NALF1: variants seen among roughly 807,000 people sequenced by gnomAD.
NALF1 encodes family with sequence similarity 155 member A.
In NALF1, 3 loss-of-function variants were observed where a neutral mutation model predicts 48.4. The ratio of observed to expected loss-of-function variants is 0.06; its 90% CI spans 0.03 to 0.16. The LOEUF (loss-of-function observed/expected upper bound fraction) is 0.16, where lower values mean the gene tolerates loss of function less well. Ranked by LOEUF, NALF1 falls within the 10% of genes least tolerant of loss-of-function variation. The pLI is 1.00. For missense variants in NALF1, 526 were observed against 571.5 expected (o/e 0.92, Z 0.81); for synonymous variants, 262 against 245.7 (o/e 1.07, Z -0.62).
At chr13:107,623,769 A>G (rs760391923) in intron 1 of NALF1, among the ~76,000 whole-genome samples, 1 of 152,208 alleles carries the variant, frequency 6.6e-6, no homozygotes, top group Non-Finnish European at 1.5e-5. Flanking sequence ...AGCAAATGAA[A>G]TGGGCACAAA....
intron 1 of NALF1, among the ~76,000 whole-genome samples, chr13:107,618,807 A>G (rs9520516): frequency 0.25 from 37,412 of 152,110 alleles, 5,181 homozygotes; most frequent in East Asian, 0.49. Context: ...CAGGGAAAGT[A>G]TTGATGCTTA....
intron 1 of NALF1, among the ~76,000 whole-genome samples, chr13:107,794,304 G>T (rs572203951): frequency 1.8e-4 from 27 of 152,110 alleles, no homozygotes; most frequent in African/African-American, 5.5e-4. Flanking sequence ...TCTAAACCAG[G>T]GTTATTTTCC....
chr13:107,246,536 TGA>T (rs749378472), intron 1 of NALF1, among the ~76,000 whole-genome samples: 5 of 152,176 alleles, frequency 3.3e-5, no homozygotes, highest in Non-Finnish European at 7.4e-5. Flanking sequence ...CAGAGCAGGG[TGA>T]GAGGCCACAC....
chr13:107,687,438 A>G (rs1235698754), intron 1 of NALF1, among the ~76,000 whole-genome samples: 3 of 151,724 alleles, frequency 2.0e-5, no homozygotes, highest in African/African-American at 7.3e-5. Flanking sequence ...GCAAACCCGC[A>G]TATGTAACCC....
At chr13:107,338,258 G>C (rs949847472) in intron 1 of NALF1, among the ~76,000 whole-genome samples, 4 of 152,132 alleles carry the variant, frequency 2.6e-5, no homozygotes, top group African/African-American at 9.7e-5. Context: ...TCCCCATGGG[G>C]TAGAACCCCT....
At chr13:107,325,970 A>G (rs994719111) in intron 1 of NALF1, among the ~76,000 whole-genome samples, 2 of 148,028 alleles carry the variant, frequency 1.4e-5, no homozygotes, top group African/African-American at 5.0e-5. Flanking sequence ...ACACATATAT[A>G]CAACACACAT....
At chr13:107,528,971 C>T (rs1417396959) in intron 1 of NALF1, among the ~76,000 whole-genome samples, 2 of 152,130 alleles carry the variant, frequency 1.3e-5, no homozygotes, top group Admixed American at 6.6e-5. Flanking sequence ...GCCCATGAAA[C>T]GTGTTCCTCT....
chr13:107,839,132 A>C (rs528096832), intron 1 of NALF1, among the ~76,000 whole-genome samples: 8 of 152,012 alleles, frequency 5.3e-5, no homozygotes, highest in Non-Finnish European at 1.0e-4. Context: ...CTATGTAACA[A>C]GACTAGGGGT....
chr13:107,598,788 G>C (rs1297441709), intron 1 of NALF1, among the ~76,000 whole-genome samples: 2 of 151,938 alleles, frequency 1.3e-5, no homozygotes, highest in Non-Finnish European at 2.9e-5. Context: ...GTCTTAAAAG[G>C]CCACCTTACC....
At chr13:107,824,202 A>G (rs1413816304) in intron 1 of NALF1, among the ~76,000 whole-genome samples, 1 of 152,096 alleles carries the variant, frequency 6.6e-6, no homozygotes, top group East Asian at 1.9e-4. Flanking sequence ...AAATTGTCTG[A>G]TTGTTAATAT....
chr13:107,776,162 T>C (rs1176994153), intron 1 of NALF1, among the ~76,000 whole-genome samples: 1 of 152,182 alleles, frequency 6.6e-6, no homozygotes, highest in Non-Finnish European at 1.5e-5. Flanking sequence ...ATCATTACTA[T>C]CATTAGACAC....
At chr13:107,471,535 C>A (rs765929250) in intron 1 of NALF1, among the ~76,000 whole-genome samples, 1 of 151,926 alleles carries the variant, frequency 6.6e-6, no homozygotes, top group Non-Finnish European at 1.5e-5. Flanking sequence ...AGTGCCATGG[C>A]GTGGATATTA....
intron 1 of NALF1, among the ~76,000 whole-genome samples, chr13:107,335,115 T>G (rs1279964829): frequency 6.6e-6 from 1 of 152,108 alleles, no homozygotes; most frequent in African/African-American, 2.4e-5. Flanking sequence ...CGTTCCCTCC[T>G]CATCTGCCCC....
At chr13:107,720,108 A>G (rs926439670) in intron 1 of NALF1, among the ~76,000 whole-genome samples, 1 of 152,158 alleles carries the variant, frequency 6.6e-6, no homozygotes, top group Admixed American at 6.5e-5. Flanking sequence ...ACTTTATTCC[A>G]TAGCGTTTTG....
At chr13:107,780,906 A>G (rs1416300321) in intron 1 of NALF1, among the ~76,000 whole-genome samples, 1 of 152,190 alleles carries the variant, frequency 6.6e-6, no homozygotes, top group Non-Finnish European at 1.5e-5. Flanking sequence ...AGCTCTTGAA[A>G]AATGGAGACC....
intron 1 of NALF1, among the ~76,000 whole-genome samples, chr13:107,606,769 T>C (rs1029301651): frequency 6.6e-6 from 1 of 152,142 alleles, no homozygotes; most frequent in African/African-American, 2.4e-5. Flanking sequence ...AGCTGAATAG[T>C]GAGTTGGTTG....
At chr13:107,643,350 T>C (rs140502472) in intron 1 of NALF1, among the ~76,000 whole-genome samples, 235 of 152,224 alleles carry the variant, frequency 1.5e-3, no homozygotes, top group African/African-American at 5.2e-3. Flanking sequence ...CAAAGAAGAA[T>C]GTGTCAGCGA....
chr13:107,378,695 T>G (rs1004462084), intron 1 of NALF1, among the ~76,000 whole-genome samples: 2 of 152,192 alleles, frequency 1.3e-5, no homozygotes, highest in East Asian at 3.8e-4. Context: ...TTGAAATATT[T>G]TGAGATATTG....
At chr13:107,537,195 A>G (rs367749501) in intron 1 of NALF1, among the ~76,000 whole-genome samples, 2 of 152,062 alleles carry the variant, frequency 1.3e-5, no homozygotes, top group African/African-American at 4.8e-5. Flanking sequence ...AAACCTGCAC[A>G]TTGTGCACAT....
Sources: allele counts gnomAD v4.1 joint callset (sites outside exome capture counted in the v4.1 genomes callset), GRCh38; gene constraint gnomAD v4.1.1; transcripts MANE v1.5; gene names NCBI Gene and HGNC (gene_info 2026-07-23, HGNC 2026-07-21).